GABBR2: variants seen among roughly 807,000 people sequenced by gnomAD.
GABBR2 encodes gamma-aminobutyric acid type B receptor subunit 2.
In GABBR2, 23 loss-of-function variants were observed where a neutral mutation model predicts 105.6. The observed-to-expected ratio is 0.22, with a 90% CI of 0.16 to 0.31. The LOEUF (loss-of-function observed/expected upper bound fraction) is 0.31, where lower values mean the gene tolerates loss of function less well. Among genes scored for constraint, GABBR2 ranks in the 10% least tolerant of loss-of-function variants. GABBR2 has a pLI of 1.00. For synonymous variants in GABBR2, 478 were observed against 499.7 expected, an observed-to-expected ratio of 0.96 and a Z score of 0.58; for missense variants, 734 against 1,245.5, an observed-to-expected ratio of 0.59 and a Z score of 6.18.
intron 2 of GABBR2, among the ~76,000 whole-genome samples, chr9:98,557,336 C>T (rs150225640): frequency 6.6e-6 from 1 of 152,200 alleles, no homozygotes; most frequent in Non-Finnish European, 1.5e-5. Flanking sequence ...ACCTTATCAC[C>T]TGTACTGTCA....
chr9:98,355,050 C>T lies in GABBR2; in HGVS notation c.1893+7665G>A, dbSNP rs190001355. ...ACTGCAGGGTTATTAACTGACCTAACTTCAATATTGTGTCTTAGAGAATAG... is the reference window on the plus strand; with the variant it reads ...ACTGCAGGGTTATTAACTGACCTAATTTCAATATTGTGTCTTAGAGAATAG... On this transcript the variant is annotated intron_variant, in intron 13 of 18. Transcript: ENST00000259455. 5.9e-5 allele frequency among the ~76,000 whole-genome samples: 9 copies of T among 152,124 alleles called. No homozygotes were observed. In the East Asian group the frequency reaches 1.7e-3, roughly 29 times the overall value.
intron 3 of GABBR2, among the ~76,000 whole-genome samples, chr9:98,526,918 ATATC>A (rs1478509824): frequency 6.6e-6 from 1 of 152,006 alleles, no homozygotes; most frequent in East Asian, 1.9e-4. Flanking sequence ...ATGAGGAGGA[ATATC>A]TGCTCTTCTA....
At chr9:98,409,044 G>A (rs576378318) in intron 7 of GABBR2, among the ~76,000 whole-genome samples, 32 of 152,350 alleles carry the variant, frequency 2.1e-4, no homozygotes, top group South Asian at 6.2e-4. Flanking sequence ...AAATATTCTA[G>A]CCAGAGGCAA....
intron 1 of GABBR2, among the ~76,000 whole-genome samples, chr9:98,592,660 A>C (rs934387672): frequency 1.3e-5 from 2 of 152,248 alleles, no homozygotes; most frequent in African/African-American, 4.8e-5. Context: ...CTTGGAAAGC[A>C]GTAATAAGTC....
chr9:98,348,735 T>C (rs938623730), intron 13 of GABBR2, among the ~76,000 whole-genome samples: 15 of 152,356 alleles, frequency 9.8e-5, no homozygotes, highest in Middle Eastern at 3.4e-3. Flanking sequence ...TTGTTATTGG[T>C]GTATAGAGAT....
chr9:98,367,298 TAA>T (rs368200743), intron 12 of GABBR2, among the ~76,000 whole-genome samples: 14 of 110,158 alleles, frequency 1.3e-4, no homozygotes, highest in Admixed American at 2.0e-4. Flanking sequence ...TATATGTCAG[TAA>T]AAAAAAAAAA....
chr9:98,517,819 C>A (rs1293770081), intron 3 of GABBR2, among the ~76,000 whole-genome samples: 1 of 152,082 alleles, frequency 6.6e-6, no homozygotes, highest in East Asian at 1.9e-4. Context: ...AGTCAGAAGA[C>A]CAATGAGAAC....
At chr9:98,689,297 A>G (rs1830657414) in intron 1 of GABBR2, among the ~76,000 whole-genome samples, 1 of 152,106 alleles carries the variant, frequency 6.6e-6, no homozygotes. Context: ...TAGACATGTA[A>G]CTTTAGGCAG....
chr9:98,353,258 A>C (rs1000609246), intron 13 of GABBR2, among the ~76,000 whole-genome samples: 1 of 152,150 alleles, frequency 6.6e-6, no homozygotes, highest in Non-Finnish European at 1.5e-5. Context: ...TTAAAGTTTT[A>C]TCATGAGATT....
At chr9:98,547,359 C>T (rs1167258659) in intron 2 of GABBR2, among the ~76,000 whole-genome samples, 2 of 115,112 alleles carry the variant, frequency 1.7e-5, no homozygotes, top group African/African-American at 2.7e-5. Context: ...ATTACATATA[C>T]ATTTATAATA....
At chr9:98,696,909 G>A (rs1422231758) in intron 1 of GABBR2, among the ~76,000 whole-genome samples, 1 of 152,190 alleles carries the variant, frequency 6.6e-6, no homozygotes, top group East Asian at 1.9e-4. Context: ...TGGGTGGACA[G>A]AGAAATGGGA....
intron 1 of GABBR2, among the ~76,000 whole-genome samples, chr9:98,687,937 G>A (rs1339608291): frequency 2.6e-5 from 4 of 152,146 alleles, no homozygotes; most frequent in African/African-American, 9.7e-5. Context: ...ATGTTCGATG[G>A]TCTCACTGGG....
intron 1 of GABBR2, among the ~76,000 whole-genome samples, chr9:98,671,417 C>A (rs1221813737): frequency 1.3e-5 from 2 of 152,220 alleles, no homozygotes; most frequent in Non-Finnish European, 2.9e-5. Flanking sequence ...CATTTAGATT[C>A]TTTCCACCTT....
intron 6 of GABBR2, among the ~76,000 whole-genome samples, chr9:98,466,666 A>C (rs920160916): frequency 7.9e-5 from 12 of 152,238 alleles, no homozygotes; most frequent in Non-Finnish European, 1.8e-4. Context: ...AATCTGTGAG[A>C]GAGATATTAT....
chr9:98,382,863 T>C (rs955904688), intron 11 of GABBR2, among the ~76,000 whole-genome samples: 2 of 152,220 alleles, frequency 1.3e-5, no homozygotes, highest in Non-Finnish European at 2.9e-5. Flanking sequence ...AGAGACTCAG[T>C]GGCCTTCACA....
chr9:98,432,448 C>T (rs1218718926), intron 7 of GABBR2, among the ~76,000 whole-genome samples: 2 of 152,108 alleles, frequency 1.3e-5, no homozygotes, highest in Non-Finnish European at 2.9e-5. Flanking sequence ...CTAAAAATCC[C>T]ACTGAGGTGG....
At chr9:98,624,249 C>A (rs534951290) in intron 1 of GABBR2, among the ~76,000 whole-genome samples, 1 of 152,098 alleles carries the variant, frequency 6.6e-6, no homozygotes, top group Admixed American at 6.5e-5. Flanking sequence ...GCAGCGTGCA[C>A]AGGAAGGCAA....
chr9:98,363,154 CCTATT>C (rs1831617741), intron 12 of GABBR2, among the ~76,000 whole-genome samples: 1 of 152,080 alleles, frequency 6.6e-6, no homozygotes, highest in Non-Finnish European at 1.5e-5. Context: ...TCTGGAATAC[CCTATT>C]CTTTCTATTT....
intron 7 of GABBR2, among the ~76,000 whole-genome samples, chr9:98,437,695 T>TATCC (rs149357518): frequency 0.064 from 9,575 of 149,830 alleles, 528 homozygotes; most frequent in East Asian, 0.19. Context: ...TTCACATAAC[T>TATCC]ATCCATCCAT....
Sources: gnomAD v4.1 joint callset for allele counts (sites outside exome capture counted in the v4.1 genomes callset) on GRCh38, gnomAD v4.1.1 for gene constraint, MANE v1.5 for transcripts, NCBI Gene and HGNC (gene_info 2026-07-23, HGNC 2026-07-21) for gene names.